TAGLN3: variants seen among roughly 807,000 people sequenced by gnomAD.
TAGLN3 encodes the protein transgelin 3.
A neutral mutation model predicts 25.4 loss-of-function variants in TAGLN3; 12 were observed. The ratio of observed to expected loss-of-function variants is 0.47; its 90% CI spans 0.30 to 0.77. TAGLN3 has a LOEUF of 0.77. TAGLN3 is among the 30% of genes least tolerant of loss of function. The probability of loss-of-function intolerance (pLI) is 0.06; values close to 1 mark genes in which losing one functional copy is unlikely to be tolerated. For missense variants in TAGLN3, 218 were observed against 255.8 expected, an observed-to-expected ratio of 0.85 and a Z score of 1.01; for synonymous variants, 96 against 94.8, an observed-to-expected ratio of 1.01 and a Z score of -0.08.
At chr3:112,013,373 C>A in intron 4 of TAGLN3, 37 bp from the exon 5 acceptor site, 1 of 1,590,508 alleles carries the variant, frequency 6.3e-7, no homozygotes, top group South Asian at 1.1e-5. Context: ...GGAAAACTGT[C>A]ATAATGACAT....
intron 1 of TAGLN3, 22 bp from the exon 2 acceptor site, chr3:111,999,399 G>C (rs775834731): frequency 1.2e-6 from 2 of 1,610,224 alleles, no homozygotes; most frequent in Non-Finnish European, 1.7e-6. Flanking sequence ...TGGATGCCGC[G>C]CGTGTCTTCT....
chr3:112,004,024 G>A (rs752019618), intron 3 of TAGLN3, among the ~76,000 whole-genome samples: 9 of 152,326 alleles, frequency 5.9e-5, no homozygotes, highest in South Asian at 2.1e-4. Flanking sequence ...CAAGATTGAA[G>A]GCTTTAAAAT....
rs374359650 is a variant in TAGLN3 at position 112,013,583 on chromosome 3, G to A, written c.*32G>A. The A allele has an allele frequency of 7.3e-4, 1,177 of 1,613,860 alleles. 17 individuals are homozygous for A. The South Asian group carries it at 9.7e-3, about 13-fold the overall frequency. On this transcript the variant is annotated 3_prime_UTR_variant, in exon 5 of 5. Coordinates refer to ENST00000478951, the MANE Select transcript of TAGLN3 (RefSeq NM_001008272.2). ...GCATCCTGCCCCTGGTAGAGAGGAC[G>A]AATGTTCCACACCATGGTCTCTACG...
At chr3:112,005,015 A>G (rs1029870529) in intron 3 of TAGLN3, among the ~76,000 whole-genome samples, 1 of 152,154 alleles carries the variant, frequency 6.6e-6, no homozygotes, top group Admixed American at 6.5e-5. Flanking sequence ...GTCTTTCCCC[A>G]TAATTTACTG....
chr3:112,009,971 A>G (rs956812524), intron 3 of TAGLN3, among the ~76,000 whole-genome samples: 1 of 151,828 alleles, frequency 6.6e-6, no homozygotes, highest in Non-Finnish European at 1.5e-5. Context: ...AGTGTTATAT[A>G]TAACACTTAC....
At chr3:112,008,758 G>A (rs1275259304) in intron 3 of TAGLN3, among the ~76,000 whole-genome samples, 1 of 152,208 alleles carries the variant, frequency 6.6e-6, no homozygotes, top group East Asian at 1.9e-4. Flanking sequence ...TGAGCTAGAT[G>A]TGAACTGGTT....
intron 3 of TAGLN3, among the ~76,000 whole-genome samples, chr3:112,004,410 G>A (rs572868233): frequency 6.6e-6 from 1 of 151,654 alleles, no homozygotes; most frequent in East Asian, 2.0e-4. Context: ...GTGTGTAAGA[G>A]AGAGAGAGAA....
At chr3:112,009,306 A>G (rs1271976771) in intron 3 of TAGLN3, among the ~76,000 whole-genome samples, 1 of 152,226 alleles carries the variant, frequency 6.6e-6, no homozygotes, top group African/African-American at 2.4e-5. Flanking sequence ...TTGGATGAAG[A>G]CATGGAGAAA....
chr3:112,003,627 G>A (rs147275200), intron 3 of TAGLN3, among the ~76,000 whole-genome samples: 1 of 152,326 alleles, frequency 6.6e-6, no homozygotes, highest in East Asian at 1.9e-4. Context: ...CTTGACTGTG[G>A]TTTTAATGCT....
In TAGLN3 at chr3:112,000,764, C is replaced by G. The variant is rs2072847881; in HGVS notation, c.181-8C>G. 6.8e-6 allele frequency: 11 copies of G among 1,611,406 alleles called. No homozygotes were observed. The highest frequency in any genetic ancestry group is 9.3e-6 in the Non-Finnish European group (11 of 1,178,000). ...AACATTGATTCTGTCTCTCCCCTCC[C>G]TCTTCAGGTCCTGTGCAAGCTGATA... On this transcript the variant is annotated splice_polypyrimidine_tract_variant and splice_region_variant and intron_variant, in intron 2 of 4. Transcript: ENST00000478951.
intron 3 of TAGLN3, among the ~76,000 whole-genome samples, chr3:112,005,145 G>A (rs1303209724): frequency 1.3e-5 from 2 of 152,000 alleles, no homozygotes; most frequent in South Asian, 4.2e-4. Context: ...TGTTTAAATT[G>A]CCTAGTTTCT....
At chr3:111,999,776 C>T (rs1371465571) in intron 2 of TAGLN3, among the ~76,000 whole-genome samples, 174 bp downstream of exon 2, 1 of 152,220 alleles carries the variant, frequency 6.6e-6, no homozygotes, top group Non-Finnish European at 1.5e-5. Context: ...GCTCCATGCA[C>T]TATTCCCTAG....
intron 3 of TAGLN3, among the ~76,000 whole-genome samples, chr3:112,007,692 G>C (rs2072932554): frequency 6.6e-6 from 1 of 152,336 alleles, no homozygotes; most frequent in Non-Finnish European, 1.5e-5. Flanking sequence ...AGCATCCAGG[G>C]TGGCTGTCAG....
Position 112,005,867 on chromosome 3 carries a change from AT to A in TAGLN3, c.355+4931del, listed in dbSNP as rs1383678276. ...AGGTACCTGCCACCACGCCCGGCTAATTTTTTTTTTATTTTTAGTAGAGAAG... is the reference window on the plus strand; with the variant it reads ...AGGTACCTGCCACCACGCCCGGCTAATTTTTTTTTATTTTTAGTAGAGAAG... On this transcript the variant is annotated intron_variant, in intron 3 of 4. Coordinates refer to ENST00000478951, the MANE Select transcript of TAGLN3 (RefSeq NM_001008272.2). 9.5e-4 allele frequency among the ~76,000 whole-genome samples: 141 copies of A among 148,292 alleles called. 1 individual carries two copies. Among genetic ancestry groups the A allele is most frequent in the Non-Finnish European group, 1.6e-3 (104 of 66,834 alleles).
chr3:112,011,899 G>A, intron 4 of TAGLN3, 34 bp downstream of exon 4: 1 of 1,600,816 alleles, frequency 6.2e-7, no homozygotes. Context: ...TGGACCACAA[G>A]GCGATTTTAA....
At chr3:112,013,032 G>C (rs549155715) in intron 4 of TAGLN3, among the ~76,000 whole-genome samples, 30 of 152,190 alleles carry the variant, frequency 2.0e-4, no homozygotes, top group Admixed American at 3.9e-4. Flanking sequence ...GGGGGAAGAA[G>C]GGAGAGTGGG....
chr3:111,999,531 C>T lies in TAGLN3; in HGVS notation c.109C>T (p.Gln37Ter). 3 of 1,614,166 alleles carry T rather than the reference C, an allele frequency of 1.9e-6. No homozygotes were observed. The highest frequency in any genetic ancestry group is 2.5e-6 in the Non-Finnish European group (3 of 1,180,028). The part of the protein sequence containing the change: ...ENKLVDWIIL[Q>*]CAEDIEHPPP... ...CAAGCTGGTGGACTGGATCATCCTG[C>T]AGTGCGCCGAGGACATAGAGCACCC... is the stretch of plus-strand genomic sequence containing the variant. Residue 37 changes from glutamine to a stop codon, truncating the protein, a stop_gained, in exon 2 of 5, where the codon CAG (glutamine) becomes TAG (stop). Coordinates refer to ENST00000478951, the MANE Select transcript of TAGLN3 (RefSeq NM_001008272.2). LOFTEE classifies it high-confidence loss of function.
intron 3 of TAGLN3, among the ~76,000 whole-genome samples, chr3:112,004,386 G>A (rs2072893634): frequency 6.6e-6 from 1 of 152,162 alleles, no homozygotes; most frequent in South Asian, 2.1e-4. Context: ...CAAGAAAGGT[G>A]GGGGGCGGGG....
At chr3:111,999,653 C>T (rs2072833282) in intron 2 of TAGLN3, 51 bp downstream of exon 2, 7 of 1,590,212 alleles carry the variant, frequency 4.4e-6, no homozygotes, top group Non-Finnish European at 6.0e-6. Context: ...GGGAAACCCT[C>T]CAGGGCCCTT....
Sources: gnomAD v4.1 joint callset for allele counts (sites outside exome capture counted in the v4.1 genomes callset) on GRCh38, gnomAD v4.1.1 for gene constraint, MANE v1.5 for transcripts, NCBI Gene and HGNC (gene_info 2026-07-23, HGNC 2026-07-21) for gene names.